VWA7: variants seen among roughly 807,000 people sequenced by gnomAD.
The protein encoded by VWA7 is von Willebrand factor A domain-containing protein 7.
In VWA7, 66 loss-of-function variants were observed where a neutral mutation model predicts 83.1. The ratio of observed to expected loss-of-function variants is 0.79; its 90% CI spans 0.65 to 0.98. The LOEUF (loss-of-function observed/expected upper bound fraction) is 0.98, where lower values mean the gene tolerates loss of function less well. Ranked by LOEUF, VWA7 falls within the 50% of genes least tolerant of loss-of-function variation. The probability of loss-of-function intolerance (pLI) is 0.00; values close to 1 mark genes in which losing one functional copy is unlikely to be tolerated. For synonymous variants in VWA7, 424 were observed against 488.5 expected, an observed-to-expected ratio of 0.87 and a Z score of 1.74; for missense variants, 1,080 against 1,160.2, an observed-to-expected ratio of 0.93 and a Z score of 1.00.
In VWA7 at chr6:31,775,269, A is replaced by G. The variant is rs1812573199; in HGVS notation, c.610+64T>C. The G allele has an allele frequency of 2.1e-6, 3 of 1,399,666 alleles. No homozygotes were observed. The highest frequency in any genetic ancestry group is 3.0e-6 in the Non-Finnish European group (3 of 1,016,092). 86.7% of individuals were successfully genotyped at this position (1,399,666 alleles called of 1,614,324 possible). A position where few individuals can be genotyped will look rare whatever the true frequency, so the allele number is the denominator to read the frequency against. On this transcript the variant is annotated intron_variant, in intron 4 of 16. Transcript: ENST00000375688. This position sits in a 1 kb window ranked among gnomAD's most constrained non-coding sequence, Gnocchi z 5.9. Reference sequence around the variant, plus strand: ...CCTCTGGGACTTCAGAATGTGACACAGTGGCTGGGTGGACTGAGGTGGCCC... The same window carrying G: ...CCTCTGGGACTTCAGAATGTGACACGGTGGCTGGGTGGACTGAGGTGGCCC...
Position 31,776,644 on chromosome 6 carries a change from G to A in VWA7, c.136C>T (p.Gln46Ter). The A allele has an allele frequency of 6.5e-7, 1 of 1,548,100 alleles. No individual in the cohort carries two copies. The highest frequency in any genetic ancestry group is 2.4e-5 in the East Asian group (1 of 40,942). ...LLAAPGSITH[Q>*]DLTEEAALNV... ...AGCGCTGCCTCCTCAGTTAGGTCTT[G>A]GTGGGTGATGGAGCCAGGGGCAGCC... The change falls in exon 2 of 17, where the codon CAA becomes TAA. Residue 46 changes from glutamine (Q) to a stop codon, truncating the protein, a stop_gained. Transcript: ENST00000375688. LOFTEE classifies it high-confidence loss of function. This position sits in a 1 kb window ranked among gnomAD's most constrained non-coding sequence, Gnocchi z 6.2.
At position 31,775,613 on chromosome 6, in the gene VWA7, C is replaced by T. The variant is rs1812610952; in HGVS notation, c.514-184G>A. 6.6e-6 allele frequency among the ~76,000 whole-genome samples: 1 copy of T among 151,884 alleles called. No homozygotes were observed. The highest frequency in any genetic ancestry group is 2.1e-4 in the South Asian group (1 of 4,820). On this transcript the variant is annotated intron_variant, in intron 3 of 16. Transcript: ENST00000375688. This position sits in a 1 kb window ranked among gnomAD's most constrained non-coding sequence, Gnocchi z 5.9. ...CTCCATTGCTCAGAGCAGAGCTTTGCCCAGGTGGAAACTGTCCCAGCATCT... is the reference window on the plus strand; with the variant it reads ...CTCCATTGCTCAGAGCAGAGCTTTGTCCAGGTGGAAACTGTCCCAGCATCT...
At chr6:31,770,418 G>A (rs1231252914) in intron 7 of VWA7, among the ~76,000 whole-genome samples, 1 of 150,944 alleles carries the variant, frequency 6.6e-6, no homozygotes, top group Non-Finnish European at 1.5e-5. Context: ...ATGCATGCCC[G>A]TAGCCTCCCC....
rs2151388701 is a variant in VWA7, at chr6:31,766,096, G to T, written c.2325-39C>A. The T allele has an allele frequency of 6.2e-7, 1 of 1,609,516 alleles. No individual in the cohort carries two copies. The highest frequency in any genetic ancestry group is 1.1e-5 in the South Asian group (1 of 91,020). ...ATAGGCGTCGCTAAAGCTCCAGGCT[G>T]CCCAGAGCCTAGAGTCGGGACGCCT... On this transcript the variant is annotated intron_variant, in intron 15 of 16. Coordinates refer to ENST00000375688, the MANE Select transcript of VWA7 (RefSeq NM_025258.3). The surrounding 1 kb of genome is among the most constrained non-coding windows in gnomAD (Gnocchi z 4.9).
At chr6:31,767,124 G>T (rs759006643) in intron 13 of VWA7, 34 bp downstream of exon 13, 41 of 689,090 alleles carry the variant, frequency 5.9e-5, no homozygotes, top group African/African-American at 3.8e-5. Flanking sequence ...AAAACTGGGG[G>T]TTAGGTGGGT....
In VWA7 at chr6:31,769,964, T is replaced by G; in HGVS notation, c.1200+37A>C. Reference sequence around the variant, plus strand: ...GGAGGGATCTAGCTCCCCCTGGTGGTGGGGCCAGGAAACGGGGAAGAAGGG... The same window carrying G: ...GGAGGGATCTAGCTCCCCCTGGTGGGGGGGCCAGGAAACGGGGAAGAAGGG... On this transcript the variant is annotated intron_variant, in intron 8 of 16. Transcript: ENST00000375688. The surrounding 1 kb of genome is among the most constrained non-coding windows in gnomAD (Gnocchi z 4.5). 1 of 1,597,224 alleles carries G rather than the reference T, an allele frequency of 6.3e-7. No homozygotes were observed. The highest frequency in any genetic ancestry group is 1.1e-5 in the South Asian group (1 of 90,568).
Position 31,776,189 on chromosome 6 carries a change from A to G in VWA7, c.288T>C (p.Ser96=). 2 of 1,614,092 alleles carry G rather than the reference A, an allele frequency of 1.2e-6. No individual in the cohort carries two copies. Among genetic ancestry groups the G allele is most frequent in the Non-Finnish European group, 1.7e-6 (2 of 1,180,024 alleles). The part of the protein sequence containing the change: ...DLFAAYFGPG[S]SRRFRAALGE... Reference sequence around the variant, plus strand: ...CTAAGGCTGCTCGGAACCGCCGAGAAGAACCAGGTCCAAAGTAGGCGGCAA... The same window carrying G: ...CTAAGGCTGCTCGGAACCGCCGAGAGGAACCAGGTCCAAAGTAGGCGGCAA... Residue 96 remains serine (S), a synonymous_variant, in exon 3 of 17, where the codon TCT becomes TCC. Transcript: ENST00000375688. This position sits in a 1 kb window ranked among gnomAD's most constrained non-coding sequence, Gnocchi z 6.2.
rs1161197423 is a variant in VWA7 at position 31,773,255 on chromosome 6, T to A, written c.904A>T (p.Arg302Trp). Residue 302 changes from arginine (R) to tryptophan (W), a missense_variant, in exon 6 of 17, where the codon AGG becomes TGG. Arg to Trp is a moderately radical substitution (Grantham distance 101). Transcript: ENST00000375688. The surrounding 1 kb of genome is among the most constrained non-coding windows in gnomAD (Gnocchi z 5.3). ...FSLLRSRLGD[R>W]DFSRLLDITP... ...GAGGCCACTCACCTGGAGAAATCCC[T>A]GTCTCCCAGGCGGCTTCGCAGAAGG... is the stretch of plus-strand genomic sequence containing the variant. 6.2e-7 allele frequency: 1 copy of A among 1,604,188 alleles called. No individual in the cohort carries two copies. The highest frequency in any genetic ancestry group is 1.1e-5 in the South Asian group (1 of 89,260).
chr6:31,767,689 C>CCCAT lies in VWA7; in HGVS notation c.1565_1568dup (p.Leu524TrpfsTer52). 6.2e-7 allele frequency: 1 copy of CCCAT among 1,613,620 alleles called. No homozygotes were observed. Among genetic ancestry groups the CCCAT allele is most frequent in the Non-Finnish European group, 8.5e-7 (1 of 1,179,546 alleles). ...TCCGGACTGTGATCTTCTGGAGCAGCCCATCCACGCTGAACACAAGTGGCT... is the reference window on the plus strand; with the variant it reads ...TCCGGACTGTGATCTTCTGGAGCAGCCCATCCATCCACGCTGAACACAAGTGGCT... On this transcript the variant is annotated frameshift_variant, in exon 11 of 17. Transcript: ENST00000375688. LOFTEE classifies it high-confidence loss of function.
rs1045216562 is a variant in VWA7 at position 31,769,857 on chromosome 6, G to C, written c.1201-66C>G. 2 of 1,528,106 alleles carry C rather than the reference G, an allele frequency of 1.3e-6. No individual in the cohort carries two copies. The highest frequency in any genetic ancestry group is 2.7e-5 in the African/African-American group (2 of 73,100). 94.7% of individuals were successfully genotyped at this position (1,528,106 alleles called of 1,614,324 possible). ...GGAGGGGAATGGGTAGAGCCACGGA[G>C]GATGAAGCAGAAGGGAATATGGCCC... On this transcript the variant is annotated intron_variant, in intron 8 of 16. Coordinates refer to ENST00000375688, the MANE Select transcript of VWA7 (RefSeq NM_025258.3). This position sits in a 1 kb window ranked among gnomAD's most constrained non-coding sequence, Gnocchi z 4.5.
rs989479618 is a variant in VWA7 at position 31,776,704 on chromosome 6, TG to T, written c.75del (p.Thr26HisfsTer23). 3.9e-5 allele frequency: 59 copies of T among 1,497,304 alleles called. No homozygotes were observed. Among genetic ancestry groups the T allele is most frequent in the Non-Finnish European group, 5.1e-5 (57 of 1,118,460 alleles). The allele number at this position is 1,497,304 out of a possible 1,614,324, so 92.8% of individuals were successfully genotyped here. On this transcript the variant is annotated frameshift_variant, in exon 2 of 17. Coordinates refer to ENST00000375688, the MANE Select transcript of VWA7 (RefSeq NM_025258.3). LOFTEE classifies it high-confidence loss of function. The surrounding 1 kb of genome is among the most constrained non-coding windows in gnomAD (Gnocchi z 6.2). ...ALLLLQLLLP[P>X]TSAFFPNIWS... is the part of the protein sequence containing the mutation. The stretch of plus-strand genomic sequence containing the variant: ...CAGATGTTGGGGAAGAAGGCAGATG[TG>T]GGGGGCAGCAACAGCTGCAGCAGAA...
In VWA7 at chr6:31,776,896, T is replaced by C; in HGVS notation, c.-15-102A>G. The C allele has an allele frequency of 1.6e-6, 1 of 636,058 alleles. No individual in the cohort carries two copies. The highest frequency in any genetic ancestry group is 2.5e-6 in the Non-Finnish European group (1 of 406,878). 39.4% of individuals were successfully genotyped at this position (636,058 alleles called of 1,614,324 possible). On this transcript the variant is annotated intron_variant, in intron 1 of 16. Transcript: ENST00000375688. This position sits in a 1 kb window ranked among gnomAD's most constrained non-coding sequence, Gnocchi z 6.2. ...GGAACCTGCTTTACCTCAAAAGTCG[T>C]GTCTGCTCCAGCCTGGCTTCCCCAC... is the stretch of plus-strand genomic sequence containing the variant.
rs895597040 is a variant in VWA7 at position 31,766,229 on chromosome 6, G to A, written c.2324+16C>T. 1.2e-6 allele frequency: 2 copies of A among 1,611,460 alleles called. No individual in the cohort carries two copies. The highest frequency in any genetic ancestry group is 1.7e-6 in the Non-Finnish European group (2 of 1,179,616). The stretch of plus-strand genomic sequence containing the variant: ...GGCAAGATGCCAGAGGGAGCTGGAG[G>A]GTTCATGAGCCTCACCTGGAGAGGT... On this transcript the variant is annotated intron_variant, in intron 15 of 16. Coordinates refer to ENST00000375688, the MANE Select transcript of VWA7 (RefSeq NM_025258.3). The surrounding 1 kb of genome is among the most constrained non-coding windows in gnomAD (Gnocchi z 4.9).
At position 31,769,109 on chromosome 6, in the gene VWA7, A is replaced by G; in HGVS notation, c.1412T>C (p.Val471Ala). 6.2e-7 allele frequency: 1 copy of G among 1,613,104 alleles called. No homozygotes were observed. Among genetic ancestry groups the G allele is most frequent in the Non-Finnish European group, 8.5e-7 (1 of 1,180,046 alleles). Residue 471 changes from valine (V) to alanine (A), a missense_variant, in exon 10 of 17, where the codon GTG becomes GCG. By Grantham distance (64) the Val-to-Ala change is moderately conservative (BLOSUM62 0). Coordinates refer to ENST00000375688, the MANE Select transcript of VWA7 (RefSeq NM_025258.3). The surrounding 1 kb of genome is among the most constrained non-coding windows in gnomAD (Gnocchi z 4.5). The stretch of plus-strand genomic sequence containing the variant: ...CACCTCTCCTCCTGAGGCCAGGGCC[A>G]CTGCTTTGTATGGCTCAAAACGCAG... Reference protein sequence around the residue: ...SPLRFEPYKAVALASGGEVIF... With the variant: ...SPLRFEPYKAAALASGGEVIF...
Position 31,767,196 on chromosome 6 carries a change from G to T in VWA7, c.1844C>A (p.Pro615His). 1.3e-6 allele frequency: 2 copies of T among 1,593,894 alleles called. No individual in the cohort carries two copies. Among genetic ancestry groups the T allele is most frequent in the Non-Finnish European group, 1.7e-6 (2 of 1,173,986 alleles). Reference sequence around the variant, plus strand: ...AGTCAGGGGGTAGAGGCCAGGGTGGGGTCCATCCTCCATGGGGATCCCAAA... The same window carrying T: ...AGTCAGGGGGTAGAGGCCAGGGTGGTGTCCATCCTCCATGGGGATCCCAAA... ...FHFGIPMEDG[P>H]HPGLYPLTQP... The change falls in exon 13 of 17, where the codon CCC becomes CAC. Residue 615 changes from proline to histidine, a missense_variant. Coordinates refer to ENST00000375688, the MANE Select transcript of VWA7 (RefSeq NM_025258.3).
rs1222961398 is a variant in VWA7 at position 31,766,073 on chromosome 6, A to C, written c.2325-16T>G. 1 of 1,612,424 alleles carries C rather than the reference A, an allele frequency of 6.2e-7. No homozygotes were observed. On this transcript the variant is annotated splice_polypyrimidine_tract_variant and intron_variant, in intron 15 of 16. Coordinates refer to ENST00000375688, the MANE Select transcript of VWA7 (RefSeq NM_025258.3). This position sits in a 1 kb window ranked among gnomAD's most constrained non-coding sequence, Gnocchi z 4.9. ...CAGGTGAGCCCTGGAGAGAGGATAT[A>C]GGCGTCGCTAAAGCTCCAGGCTGCC... is the stretch of plus-strand genomic sequence containing the variant.
At chr6:31,770,232 A>G (rs2151396439) in intron 7 of VWA7, 119 bp from the exon 8 acceptor site, 1 of 743,186 alleles carries the variant, frequency 1.3e-6, no homozygotes, top group East Asian at 2.7e-5. Context: ...TATTGAAATA[A>G]CAATACTCCA....
rs141324203 is a variant in VWA7 at position 31,774,519 on chromosome 6, G to A, written c.718C>T (p.Pro240Ser). 6.2e-7 allele frequency: 1 copy of A among 1,612,554 alleles called. No individual in the cohort carries two copies. Among genetic ancestry groups the A allele is most frequent in the Non-Finnish European group, 8.5e-7 (1 of 1,179,878 alleles). The change falls in exon 5 of 17, where the codon CCA (proline) becomes TCA (serine). Residue 240 changes from proline to serine, a missense_variant. Coordinates refer to ENST00000375688, the MANE Select transcript of VWA7 (RefSeq NM_025258.3). ...GYFGTHPPKP[P>S]GKCSHGGHFD... ...GGGGAACTTTCTTGTCTGGTACCTG[G>A]AGGTTTCGGGGGATGAGTTCCAAAG...
At chr6:31,767,336 C>T (rs2151391023) in intron 12 of VWA7, 26 bp downstream of exon 12, 3 of 1,612,766 alleles carry the variant, frequency 1.9e-6, no homozygotes, top group Non-Finnish European at 2.5e-6. Flanking sequence ...TCTGCTTCCC[C>T]TTCCCAGGAA....
Sources: gnomAD v4.1 joint callset for allele counts (sites outside exome capture counted in the v4.1 genomes callset) on GRCh38, gnomAD v4.1.1 for gene constraint, Gnocchi (gnomAD v3.1) non-coding constraint, MANE v1.5 for transcripts, NCBI Gene and HGNC (gene_info 2026-07-23, HGNC 2026-07-21) for gene names.